The following EBF3 variants were observed in gnomAD, a reference collection of about 807,000 sequenced individuals.
EBF3 encodes the protein transcription factor COE3.
A neutral mutation model predicts 77.1 loss-of-function variants in EBF3; 18 were observed. That is an observed-to-expected ratio of 0.23 (90% CI 0.16 to 0.35). The LOEUF (loss-of-function observed/expected upper bound fraction) is 0.35, where lower values mean the gene tolerates loss of function less well. EBF3 is among the 10% of genes least tolerant of loss of function. The pLI, the probability that EBF3 is intolerant of heterozygous loss-of-function variation, is 1.00. For synonymous variants in EBF3, 350 were observed against 343.5 expected, an observed-to-expected ratio of 1.02 and a Z score of -0.21; for missense variants, 558 against 860.0, an observed-to-expected ratio of 0.65 and a Z score of 4.39.
chr10:129,838,293 G>C (rs1849750501), intron 16 of EBF3, among the ~76,000 whole-genome samples: 1 of 152,232 alleles, frequency 6.6e-6, no homozygotes, highest in Non-Finnish European at 1.5e-5. Context: ...ACTGCCAACA[G>C]GTGCAAAGCC....
intron 7 of EBF3, among the ~76,000 whole-genome samples, chr10:129,873,960 T>C (rs890613998): frequency 5.9e-5 from 9 of 152,238 alleles, no homozygotes; most frequent in African/African-American, 1.9e-4. Context: ...TGTTCACATA[T>C]TGATTAGAAA....
In EBF3 at chr10:129,957,252, C is replaced by A; in HGVS notation, c.554+6G>T. 1 of 1,601,410 alleles carries A rather than the reference C, an allele frequency of 6.2e-7. No homozygotes were observed. On this transcript the variant is annotated splice_donor_region_variant and intron_variant, in intron 6 of 16. Coordinates refer to ENST00000440978, the MANE Select transcript of EBF3 (RefSeq NM_001375380.1). Reference sequence around the variant, plus strand: ...TTGTTTTGAAAAATAAAGAAGTCATCCTTACCTGTCAATGATTACAGGGTC... The same window carrying A: ...TTGTTTTGAAAAATAAAGAAGTCATACTTACCTGTCAATGATTACAGGGTC...
At chr10:129,946,462 G>A (rs193050206) in intron 6 of EBF3, among the ~76,000 whole-genome samples, 65 of 151,326 alleles carry the variant, frequency 4.3e-4, no homozygotes, top group Non-Finnish European at 7.9e-4. Context: ...CGCAGGACTC[G>A]GAGCAGCCAA....
intron 6 of EBF3, among the ~76,000 whole-genome samples, chr10:129,939,915 G>A (rs2134478171): frequency 6.6e-6 from 1 of 152,374 alleles, no homozygotes; most frequent in African/African-American, 2.4e-5. Flanking sequence ...AGACCTGTGA[G>A]AGCCTCTAGT....
Position 129,933,917 on chromosome 10 carries a change from C to A in EBF3, c.554+23341G>T, listed in dbSNP as rs911668726. ...TGCTCAGCCCCACTCTCTCTCAACT[C>A]CCCCTCCAGCAGCTTCACGGTCCCA... On this transcript the variant is annotated intron_variant, in intron 6 of 16. Coordinates refer to ENST00000440978, the MANE Select transcript of EBF3 (RefSeq NM_001375380.1). Among the ~76,000 whole-genome samples, 42 of 152,218 alleles carry A rather than the reference C, an allele frequency of 2.8e-4. 1 individual carries two copies. Among genetic ancestry groups the A allele is most frequent in the Non-Finnish European group, 1.5e-4 (10 of 68,044 alleles).
rs1281223839 is a variant in EBF3, at chr10:129,963,415, C to T, written c.243G>A (p.Pro81=). ...VLALYDRQGQ[P]VEIERTAFVD... ...CAAAAGCGGTCCTTTCAATCTCCAC[C>T]GGCTGCCCCTGCCTATCGTAGAGCG... The change falls in exon 2 of 17, where the codon CCG becomes CCA. Residue 81 remains proline, a synonymous_variant. Coordinates refer to ENST00000440978, the MANE Select transcript of EBF3 (RefSeq NM_001375380.1). This position sits in a 1 kb window ranked among gnomAD's most constrained non-coding sequence, Gnocchi z 7.1. The T allele has an allele frequency of 1.3e-6, 2 of 1,593,220 alleles. No homozygotes were observed. Among genetic ancestry groups the T allele is most frequent in the East Asian group, 2.3e-5 (1 of 42,690 alleles).
intron 14 of EBF3, 110 bp downstream of exon 14, chr10:129,840,734 C>A (rs1342441517): frequency 2.7e-6 from 4 of 1,455,080 alleles, no homozygotes; most frequent in Admixed American, 2.2e-5. Context: ...CAGGGCCACC[C>A]TTCCTTTTAT....
rs1437644480 is a variant in EBF3 at position 129,885,071 on chromosome 10, CAA to C, written c.555-7224_555-7223del. 6.6e-6 allele frequency among the ~76,000 whole-genome samples: 1 copy of C among 152,204 alleles called. No homozygotes were observed. The highest frequency in any genetic ancestry group is 1.5e-5 in the Non-Finnish European group (1 of 68,036). ...GCCACACTAGGCCCCACCGTCCCTC[CAA>C]AGAGCCTTATCGCTAAATTTCTGCT... On this transcript the variant is annotated intron_variant, in intron 6 of 16. Transcript: ENST00000440978. The surrounding 1 kb of genome is among the most constrained non-coding windows in gnomAD (Gnocchi z 4.0).
chr10:129,866,734 G>A (rs565110555), intron 10 of EBF3, among the ~76,000 whole-genome samples: 7 of 152,330 alleles, frequency 4.6e-5, no homozygotes, highest in African/African-American at 1.7e-4. Flanking sequence ...CTGTGCAGGA[G>A]AACAGCAGTG....
In EBF3 at chr10:129,963,577, AG is replaced by A; in HGVS notation, c.135-55del. ...TGAGGAGCGCGGCGCCGGCCGGCGG[AG>A]GGGGCCGGGCCGGGCCGGGGCCGGG... On this transcript the variant is annotated intron_variant, in intron 1 of 16. Coordinates refer to ENST00000440978, the MANE Select transcript of EBF3 (RefSeq NM_001375380.1). This position sits in a 1 kb window ranked among gnomAD's most constrained non-coding sequence, Gnocchi z 7.1. 7.9e-7 allele frequency: 1 copy of A among 1,263,184 alleles called. No homozygotes were observed. The highest frequency in any genetic ancestry group is 1.0e-6 in the Non-Finnish European group (1 of 997,534). The allele number at this position is 1,263,184 out of a possible 1,614,324, so 78.2% of individuals were successfully genotyped here. A position where few individuals can be genotyped will look rare whatever the true frequency, so the allele number is the denominator to read the frequency against.
chr10:129,888,619 C>G (rs937506427), intron 6 of EBF3, among the ~76,000 whole-genome samples: 1 of 152,178 alleles, frequency 6.6e-6, no homozygotes, highest in Non-Finnish European at 1.5e-5. Flanking sequence ...GGGTCCCGGC[C>G]GCGGTGGGAA....
intron 3 of EBF3, among the ~76,000 whole-genome samples, chr10:129,962,541 C>T (rs1859607391): frequency 6.6e-6 from 1 of 151,672 alleles, no homozygotes; most frequent in Non-Finnish European, 1.5e-5. Flanking sequence ...GAAAAAGCAC[C>T]AAATGGAAAC....
At chr10:129,901,635 CAGG>C (rs769893054) in intron 6 of EBF3, among the ~76,000 whole-genome samples, 3 of 152,216 alleles carry the variant, frequency 2.0e-5, no homozygotes, top group Non-Finnish European at 2.9e-5. Flanking sequence ...CAAAGACTGA[CAGG>C]AGGAGAAGAG....
rs901419345 is a variant in EBF3 at position 129,935,858 on chromosome 10, G to T, written c.554+21400C>A. 6.6e-6 allele frequency among the ~76,000 whole-genome samples: 1 copy of T among 152,184 alleles called. No individual in the cohort carries two copies. Among genetic ancestry groups the T allele is most frequent in the East Asian group, 1.9e-4 (1 of 5,160 alleles). On this transcript the variant is annotated intron_variant, in intron 6 of 16. Coordinates refer to ENST00000440978, the MANE Select transcript of EBF3 (RefSeq NM_001375380.1). The surrounding 1 kb of genome is among the most constrained non-coding windows in gnomAD (Gnocchi z 4.2). Reference sequence around the variant, plus strand: ...AGGAGAGGCCAAGACACCAAGAGCGGCCACGATCAGCCACAGGCAGGCATG... The same window carrying T: ...AGGAGAGGCCAAGACACCAAGAGCGTCCACGATCAGCCACAGGCAGGCATG...
chr10:129,949,895 C>A (rs983754643), intron 6 of EBF3, among the ~76,000 whole-genome samples: 1 of 152,020 alleles, frequency 6.6e-6, no homozygotes, highest in South Asian at 2.1e-4. Context: ...GCTTTTAGGG[C>A]CTTAAACACT....
chr10:129,925,526 A>C (rs1015178373), intron 6 of EBF3, among the ~76,000 whole-genome samples: 23 of 150,398 alleles, frequency 1.5e-4, no homozygotes, highest in Non-Finnish European at 1.6e-4. Flanking sequence ...CGGGAGGCAG[A>C]GGTTACAGTG....
At chr10:129,962,400 T>C (rs1859595835) in intron 3 of EBF3, among the ~76,000 whole-genome samples, 174 bp from the exon 4 acceptor site, 1 of 152,084 alleles carries the variant, frequency 6.6e-6, no homozygotes, top group African/African-American at 2.4e-5. Flanking sequence ...CTTAATTTTT[T>C]TTTTCTTTTC....
chr10:129,836,835 A>G lies in EBF3; in HGVS notation c.*1108T>C, dbSNP rs1849639001. The G allele has an allele frequency of 6.6e-6, 1 of 152,622 alleles. No individual in the cohort carries two copies. Among genetic ancestry groups the G allele is most frequent in the African/African-American group, 2.4e-5 (1 of 41,458 alleles). 9.5% of individuals were successfully genotyped at this position (152,622 alleles called of 1,614,324 possible). On this transcript the variant is annotated 3_prime_UTR_variant, in exon 17 of 17. Coordinates refer to ENST00000440978, the MANE Select transcript of EBF3 (RefSeq NM_001375380.1). Reference sequence around the variant, plus strand: ...TTCAAAGATAAATACAATATTTATAATTGATATGTTACAAAATAAAGTCCC... The same window carrying G: ...TTCAAAGATAAATACAATATTTATAGTTGATATGTTACAAAATAAAGTCCC...
At chr10:129,893,136 C>A (rs1318560712) in intron 6 of EBF3, among the ~76,000 whole-genome samples, 1 of 152,194 alleles carries the variant, frequency 6.6e-6, no homozygotes, top group African/African-American at 2.4e-5. Flanking sequence ...ATGGCATGGG[C>A]TTTCATTCAT....
Sources: allele counts gnomAD v4.1 joint callset (sites outside exome capture counted in the v4.1 genomes callset), GRCh38; gene constraint gnomAD v4.1.1; non-coding constraint Gnocchi (gnomAD v3.1); transcripts MANE v1.5; gene names NCBI Gene and HGNC (gene_info 2026-07-23, HGNC 2026-07-21).